DEPTOR: variants seen among roughly 807,000 people sequenced by gnomAD.
DEPTOR encodes the protein DEP domain containing MTOR interacting protein.
In DEPTOR, 41 loss-of-function variants were observed where a neutral mutation model predicts 41.6. The observed-to-expected ratio is 0.98, with a 90% confidence interval of 0.77 to 1.28. DEPTOR has a LOEUF of 1.28. Among genes scored for constraint, DEPTOR ranks in the 50% most tolerant of loss-of-function variants. The probability of loss-of-function intolerance (pLI) is 0.00; values close to 1 mark genes in which losing one functional copy is unlikely to be tolerated. For missense variants in DEPTOR, 514 were observed against 527.9 expected, an observed-to-expected ratio of 0.97 and a Z score of 0.26; for synonymous variants, 195 against 192.3, an observed-to-expected ratio of 1.01 and a Z score of -0.12.
intron 8 of DEPTOR, among the ~76,000 whole-genome samples, chr8:120,018,457 C>T (rs751956411): frequency 4.6e-5 from 7 of 152,080 alleles, no homozygotes; most frequent in Non-Finnish European, 1.0e-4. Flanking sequence ...CACATGCCCA[C>T]AATCCCAGCT....
rs988102573 is a variant in DEPTOR at position 119,936,637 on chromosome 8, C to A, written c.425+6699C>A. Among the ~76,000 whole-genome samples, 6 of 152,174 alleles carry A rather than the reference C, an allele frequency of 3.9e-5. No homozygotes were observed. In the East Asian group the frequency reaches 5.8e-4, roughly 15 times the overall value. On this transcript the variant is annotated intron_variant, in intron 3 of 8. Transcript: ENST00000286234. ...GGAGTGAAAAACAAACAAAAAAAGT[C>A]TTCAAGCTTTTGTCTCCATCTTGTT...
At chr8:119,999,491 G>T (rs1249113889) in intron 4 of DEPTOR, among the ~76,000 whole-genome samples, 2 of 152,058 alleles carry the variant, frequency 1.3e-5, no homozygotes, top group Non-Finnish European at 2.9e-5. Context: ...GGGCACAGTG[G>T]TGTGTGCCTG....
At chr8:119,925,159 G>A (rs1395469642) in intron 1 of DEPTOR, among the ~76,000 whole-genome samples, 2 of 152,214 alleles carry the variant, frequency 1.3e-5, no homozygotes, top group Non-Finnish European at 2.9e-5. Flanking sequence ...GGAGGCCGAG[G>A]TGGGTGGATC....
chr8:120,018,581 G>GAA (rs368986428), intron 8 of DEPTOR, among the ~76,000 whole-genome samples: 1 of 148,192 alleles, frequency 6.7e-6, no homozygotes, highest in South Asian at 2.1e-4. Flanking sequence ...TGACTCAAAA[G>GAA]AAAAAAAAAA....
At chr8:120,022,626 C>A (rs955105812) in intron 8 of DEPTOR, among the ~76,000 whole-genome samples, 2 of 152,100 alleles carry the variant, frequency 1.3e-5, no homozygotes, top group Non-Finnish European at 2.9e-5. Context: ...ATCTGTCACC[C>A]CTTTGAAGGA....
intron 4 of DEPTOR, chr8:119,969,810 G>A (rs1828610776): frequency 6.6e-6 from 1 of 152,184 alleles, no homozygotes; most frequent in Non-Finnish European, 1.5e-5. Flanking sequence ...TGAAAATATG[G>A]CTACCATACC....
chr8:119,878,319 A>G (rs1339525583), intron 1 of DEPTOR, among the ~76,000 whole-genome samples: 4 of 116,572 alleles, frequency 3.4e-5, no homozygotes, highest in Non-Finnish European at 7.3e-5. Context: ...GCCAATCCTG[A>G]CACTTTTTTT....
At chr8:119,932,187 G>A (rs1342911558) in intron 3 of DEPTOR, among the ~76,000 whole-genome samples, 1 of 151,688 alleles carries the variant, frequency 6.6e-6, no homozygotes, top group Non-Finnish European at 1.5e-5. Flanking sequence ...ATCTCATTAT[G>A]TTGTTCAGGC....
intron 8 of DEPTOR, among the ~76,000 whole-genome samples, chr8:120,041,726 C>T (rs1410959575): frequency 3.3e-5 from 5 of 152,082 alleles, no homozygotes; most frequent in East Asian, 1.9e-4. Context: ...TTGGTAGAGA[C>T]GGGGTTTCAC....
chr8:119,897,289 C>T (rs1827532431), intron 1 of DEPTOR, among the ~76,000 whole-genome samples: 1 of 152,118 alleles, frequency 6.6e-6, no homozygotes, highest in Non-Finnish European at 1.5e-5. Context: ...AATCCCAGCA[C>T]TTTGGGAGGC....
chr8:119,971,133 T>C (rs1376409450), intron 4 of DEPTOR, among the ~76,000 whole-genome samples: 1 of 150,494 alleles, frequency 6.6e-6, no homozygotes, highest in Non-Finnish European at 1.5e-5. Flanking sequence ...CTCGGGAGGC[T>C]GAGGCAGGAT....
chr8:120,043,748 A>C (rs967105181), intron 8 of DEPTOR, among the ~76,000 whole-genome samples: 13 of 152,130 alleles, frequency 8.5e-5, no homozygotes, highest in African/African-American at 2.4e-4. Context: ...ATGGTAGCTC[A>C]TGCCTGCAAT....
chr8:119,888,880 A>AAG (rs1827409828), intron 1 of DEPTOR, among the ~76,000 whole-genome samples: 1 of 150,822 alleles, frequency 6.6e-6, no homozygotes, highest in Non-Finnish European at 1.5e-5. Flanking sequence ...AAAAAAAAAA[A>AAG]AGACTTCTTT....
chr8:119,958,289 G>A (rs1484866342), intron 3 of DEPTOR, among the ~76,000 whole-genome samples: 1 of 152,088 alleles, frequency 6.6e-6, no homozygotes, highest in African/African-American at 2.4e-5. Context: ...GGACAACCTG[G>A]TCCTCCTCCT....
chr8:119,987,773 G>A (rs1828848443), intron 4 of DEPTOR, among the ~76,000 whole-genome samples: 1 of 152,156 alleles, frequency 6.6e-6, no homozygotes, highest in Non-Finnish European at 1.5e-5. Flanking sequence ...TAGCTGTGGT[G>A]GGCTCTGCCC....
At chr8:119,964,707 G>A (rs376595678) in intron 3 of DEPTOR, among the ~76,000 whole-genome samples, 22 of 152,178 alleles carry the variant, frequency 1.4e-4, no homozygotes, top group Non-Finnish European at 2.8e-4. Context: ...TCTGCTAATC[G>A]TAGAGTTTTG....
intron 1 of DEPTOR, among the ~76,000 whole-genome samples, chr8:119,902,249 A>T (rs1457737164): frequency 6.6e-6 from 1 of 152,228 alleles, no homozygotes; most frequent in East Asian, 1.9e-4. Flanking sequence ...AAATATGCTA[A>T]GTGGCAAAAT....
intron 8 of DEPTOR, among the ~76,000 whole-genome samples, chr8:120,015,905 T>C (rs1812603804): frequency 6.6e-6 from 1 of 152,128 alleles, no homozygotes. Context: ...ACCCTGATGT[T>C]CTACACACTC....
intron 3 of DEPTOR, among the ~76,000 whole-genome samples, chr8:119,956,436 A>G (rs148956444): frequency 5.8e-4 from 88 of 152,314 alleles, no homozygotes; most frequent in African/African-American, 2.1e-3. Flanking sequence ...AGAAGCAGCT[A>G]ACCAGTCACT....
Sources: gnomAD v4.1 joint callset for allele counts (sites outside exome capture counted in the v4.1 genomes callset) on GRCh38, gnomAD v4.1.1 for gene constraint, MANE v1.5 for transcripts, NCBI Gene and HGNC (gene_info 2026-07-23, HGNC 2026-07-21) for gene names.